The following NGEF variants were observed in gnomAD, a reference collection of about 807,000 sequenced individuals.
NGEF encodes ephexin-1.
Under a neutral mutation model 80.9 loss-of-function variants are expected in NGEF, and 31 were observed. The observed-to-expected ratio is 0.38, with a 90% CI of 0.29 to 0.52. The LOEUF is 0.52. NGEF is among the 20% of genes least tolerant of loss of function. NGEF has a pLI of 0.84. For missense variants in NGEF, 709 were observed against 926.2 expected, an observed-to-expected ratio of 0.77 and a Z score of 3.04; for synonymous variants, 371 against 370.2, an observed-to-expected ratio of 1.00 and a Z score of -0.03.
At chr2:232,945,726 C>T (rs970486061) in intron 3 of NGEF, among the ~76,000 whole-genome samples, 6 of 152,080 alleles carry the variant, frequency 3.9e-5, no homozygotes, top group Non-Finnish European at 8.8e-5. Context: ...TAAAAGCCAC[C>T]CAGTTTGTGG....
At position 232,884,031 on chromosome 2, in the gene NGEF, A is replaced by C; in HGVS notation, c.1551T>G (p.Ile517Met). ...TLRTKKLFHEIYLFLFNDLLV... is the reference protein window; with the variant it reads ...TLRTKKLFHEMYLFLFNDLLV... ...GCAGGTCGTTGAACAGGAAGAGGTAAATTTCGTGGAAGAGCTTCTTGGTCC... is the reference window on the plus strand; with the variant it reads ...GCAGGTCGTTGAACAGGAAGAGGTACATTTCGTGGAAGAGCTTCTTGGTCC... Residue 517 changes from isoleucine to methionine, a missense_variant, in exon 11 of 15, where the codon ATT (isoleucine) becomes ATG (methionine). Transcript: ENST00000264051. 1.9e-6 allele frequency: 3 copies of C among 1,612,250 alleles called. No individual in the cohort carries two copies. Among genetic ancestry groups the C allele is most frequent in the Non-Finnish European group, 1.7e-6 (2 of 1,179,402 alleles).
intron 1 of NGEF, among the ~76,000 whole-genome samples, chr2:233,008,214 G>C (rs1695126678): frequency 6.6e-6 from 1 of 152,234 alleles, no homozygotes; most frequent in Admixed American, 6.5e-5. Flanking sequence ...TCAGCTGAGA[G>C]TAGGAAATTG....
chr2:232,886,141 C>G (rs199536969), intron 9 of NGEF, among the ~76,000 whole-genome samples: 1 of 97,940 alleles, frequency 1.0e-5, no homozygotes, highest in African/African-American at 3.7e-5. Context: ...GCAGTGTGTG[C>G]TGTGTATGCA....
At chr2:232,966,619 C>CG (rs1174179033) in intron 3 of NGEF, among the ~76,000 whole-genome samples, 2 of 151,678 alleles carry the variant, frequency 1.3e-5, no homozygotes, top group East Asian at 1.9e-4. Context: ...CTGACAACTC[C>CG]CCCAAACAAA....
At chr2:232,888,412 A>G (rs2048866) in intron 8 of NGEF, among the ~76,000 whole-genome samples, 30,764 of 152,136 alleles carry the variant, frequency 0.2, 3,278 homozygotes, top group Non-Finnish European at 0.22. Flanking sequence ...GCACACATGC[A>G]TGCACACACG....
chr2:232,881,579 G>T (rs530677157), intron 13 of NGEF, among the ~76,000 whole-genome samples: 1 of 152,202 alleles, frequency 6.6e-6, no homozygotes, highest in African/African-American at 2.4e-5. Context: ...TTCTCCATAA[G>T]GCAGCTGAAC....
At chr2:232,913,486 T>C (rs1392432541) in intron 5 of NGEF, among the ~76,000 whole-genome samples, 1 of 152,220 alleles carries the variant, frequency 6.6e-6, no homozygotes, top group African/African-American at 2.4e-5. Context: ...ATTAGTTCCT[T>C]TGGGTTGATG....
chr2:232,938,508 T>C (rs1693374976), intron 3 of NGEF, among the ~76,000 whole-genome samples: 1 of 152,070 alleles, frequency 6.6e-6, no homozygotes, highest in African/African-American at 2.4e-5. Flanking sequence ...TTAGGATACA[T>C]AGGGTCTGGG....
chr2:232,931,393 G>A lies in NGEF; in HGVS notation c.384-4207C>T, dbSNP rs571712694. 1.1e-4 allele frequency among the ~76,000 whole-genome samples: 16 copies of A among 152,344 alleles called. No individual in the cohort carries two copies. In the South Asian group the frequency reaches 2.3e-3, roughly 22 times the overall value. On this transcript the variant is annotated intron_variant, in intron 3 of 14. Coordinates refer to ENST00000264051, the MANE Select transcript of NGEF (RefSeq NM_019850.3). ...AGGTAGAAATTGGATATTTAGTTGA[G>A]TGGATTTCTGGGCAAAGTGTCTAAG...
chr2:233,000,717 G>A (rs1321617775), intron 1 of NGEF, among the ~76,000 whole-genome samples: 8 of 149,558 alleles, frequency 5.3e-5, no homozygotes, highest in African/African-American at 1.2e-4. Flanking sequence ...CCGAGATCGC[G>A]CCACTGCACT....
chr2:232,922,925 C>T (rs1692975045), intron 4 of NGEF, among the ~76,000 whole-genome samples: 1 of 152,112 alleles, frequency 6.6e-6, no homozygotes, highest in South Asian at 2.1e-4. Context: ...CAAAAATTAG[C>T]CGGGTGTGGT....
chr2:232,953,498 C>CTTTTT (rs61259136), intron 3 of NGEF, among the ~76,000 whole-genome samples: 1 of 129,108 alleles, frequency 7.7e-6, no homozygotes. Flanking sequence ...GACTTACATT[C>CTTTTT]TTTTTTTTTT....
In NGEF at chr2:232,892,972, C is replaced by T. The variant is rs138597179; in HGVS notation, c.1068G>A (p.Ala356=). 21 of 1,613,544 alleles carry T rather than the reference C, an allele frequency of 1.3e-5. No individual in the cohort carries two copies. Among genetic ancestry groups the T allele is most frequent in the South Asian group, 9.9e-5 (9 of 91,080 alleles). ...TGATGTAGACAGAGAAGTGGTCGGC[C>T]GCATAACGGTACACAATGTCACACA... ...SDVCDIVYRY[A]ADHFSVYITY... is the part of the protein sequence containing the mutation. Residue 356 remains alanine, a synonymous_variant, in exon 7 of 15, where the codon GCG becomes GCA. Transcript: ENST00000264051. This position sits in a 1 kb window ranked among gnomAD's most constrained non-coding sequence, Gnocchi z 4.0.
intron 3 of NGEF, among the ~76,000 whole-genome samples, chr2:232,942,875 G>GTCAGTTTACC (rs1406779230): frequency 1.4e-5 from 2 of 144,726 alleles, no homozygotes; most frequent in East Asian, 4.0e-4. Context: ...CCGGGGGGGA[G>GTCAGTTTACC]TCAGTTTACC....
chr2:232,970,555 G>C (rs2106321177), intron 2 of NGEF, among the ~76,000 whole-genome samples: 1 of 152,250 alleles, frequency 6.6e-6, no homozygotes, highest in South Asian at 2.1e-4. Flanking sequence ...TGGGCCGAGT[G>C]CGGTGGCTCA....
chr2:232,884,647 A>G (rs911734735), intron 10 of NGEF, among the ~76,000 whole-genome samples: 1 of 152,212 alleles, frequency 6.6e-6, no homozygotes. Flanking sequence ...CCAGGCCTGC[A>G]GCTGAACGGC....
At chr2:232,997,359 G>A (rs1472876985) in intron 1 of NGEF, among the ~76,000 whole-genome samples, 1 of 152,184 alleles carries the variant, frequency 6.6e-6, no homozygotes, top group Non-Finnish European at 1.5e-5. Flanking sequence ...CTAAGGGGCA[G>A]CACGCCTCAC....
At chr2:232,903,118 G>T (rs1214745072) in intron 5 of NGEF, among the ~76,000 whole-genome samples, 1 of 152,232 alleles carries the variant, frequency 6.6e-6, no homozygotes, top group South Asian at 2.1e-4. Flanking sequence ...GCTAGTGTGT[G>T]AAGGCAATTA....
At chr2:232,972,833 T>G (rs1255453205) in intron 2 of NGEF, among the ~76,000 whole-genome samples, 1 of 145,888 alleles carries the variant, frequency 6.9e-6, no homozygotes, top group Non-Finnish European at 1.5e-5. Context: ...TTTGGTTCAC[T>G]GCAACCTCTG....
Sources: allele counts gnomAD v4.1 joint callset (sites outside exome capture counted in the v4.1 genomes callset), GRCh38; gene constraint gnomAD v4.1.1; non-coding constraint Gnocchi (gnomAD v3.1); transcripts MANE v1.5; gene names NCBI Gene and HGNC (gene_info 2026-07-23, HGNC 2026-07-21).